The following AP3S1 variants were observed in gnomAD, a reference collection of about 807,000 sequenced individuals.
AP3S1 encodes the protein AP-3 complex subunit sigma-1.
AP3S1 carries 12 observed loss-of-function variants against 21.3 expected under a neutral mutation model. That is an observed-to-expected ratio of 0.56 (90% CI 0.36 to 0.91). AP3S1 has a LOEUF of 0.91. AP3S1 is among the 40% of genes least tolerant of loss of function. The pLI is 0.01. For synonymous variants in AP3S1, 48 were observed against 78.4 expected, an observed-to-expected ratio of 0.61 and a Z score of 2.05; for missense variants, 116 against 225.0, an observed-to-expected ratio of 0.52 and a Z score of 3.10.
chr5:115,844,387 T>C (rs1438960964), intron 1 of AP3S1, among the ~76,000 whole-genome samples: 5 of 152,266 alleles, frequency 3.3e-5, no homozygotes, highest in African/African-American at 9.6e-5. Flanking sequence ...GTAAGAGTCT[T>C]AGAGAGTGAG....
In AP3S1 at chr5:115,904,505, C is replaced by T. The variant is rs567629324; in HGVS notation, c.453+1513C>T. On this transcript the variant is annotated intron_variant, in intron 5 of 5. Coordinates refer to ENST00000316788, the MANE Select transcript of AP3S1 (RefSeq NM_001284.4). ...TTTTCTTTATCTCAATTTCCCATTC[C>T]TGTTGGTTTCCCAAAGGAGAAGTTT... Among the ~76,000 whole-genome samples the T allele has an allele frequency of 6.6e-5, 10 of 152,192 alleles. No individual in the cohort carries two copies. The South Asian group carries it at 2.1e-3, about 32-fold the overall frequency.
intron 3 of AP3S1, among the ~76,000 whole-genome samples, chr5:115,879,052 C>A (rs894654303): frequency 6.6e-6 from 1 of 152,142 alleles, no homozygotes. Context: ...GGTTTTGTAT[C>A]CTGAGACTTT....
At chr5:115,861,673 G>T (rs545484911) in intron 1 of AP3S1, among the ~76,000 whole-genome samples, 2 of 151,926 alleles carry the variant, frequency 1.3e-5, no homozygotes, top group South Asian at 4.2e-4. Context: ...TCCTACCTCA[G>T]CCTCCCAAGT....
chr5:115,897,419 G>A (rs252738), intron 4 of AP3S1, among the ~76,000 whole-genome samples: 46,330 of 151,866 alleles, frequency 0.31, 8,238 homozygotes, highest in Middle Eastern at 0.45. Flanking sequence ...CTTTCTATTC[G>A]CCAAGACAAT....
At position 115,846,856 on chromosome 5, in the gene AP3S1, C is replaced by T. The variant is rs185307990; in HGVS notation, c.69+4750C>T. ...GTTTCCTTCCATATTAGTTATAATG[C>T]GTTTGTCTGCATAAATTGGGTTTTA... On this transcript the variant is annotated intron_variant, in intron 1 of 5. Transcript: ENST00000316788. Among the ~76,000 whole-genome samples, 191 of 152,180 alleles carry T rather than the reference C, an allele frequency of 1.3e-3. 2 individuals are homozygous for T. Among genetic ancestry groups the T allele is most frequent in the Admixed American group, 0.012 (187 of 15,288 alleles).
At position 115,869,901 on chromosome 5, in the gene AP3S1, T is replaced by C. The variant is rs935860506; in HGVS notation, c.162-116T>C. On this transcript the variant is annotated intron_variant, in intron 2 of 5. Transcript: ENST00000316788. Reference sequence around the variant, plus strand: ...ATAAGTTCACTTAAATACTTTGCCATTGAATGTCACCTTTCATTTGACAAG... The same window carrying C: ...ATAAGTTCACTTAAATACTTTGCCACTGAATGTCACCTTTCATTTGACAAG... 6 of 590,200 alleles carry C rather than the reference T, an allele frequency of 1.0e-5. No individual in the cohort carries two copies. The African/African-American group carries it at 1.2e-4, about 11-fold the overall frequency. The allele number at this position is 590,200 out of a possible 1,614,324, so 36.6% of individuals were successfully genotyped here.
At chr5:115,849,328 A>G (rs1301242837) in intron 1 of AP3S1, among the ~76,000 whole-genome samples, 1 of 152,234 alleles carries the variant, frequency 6.6e-6, no homozygotes, top group African/African-American at 2.4e-5. Flanking sequence ...ACGACCTGAC[A>G]TTTGAGAGGA....
intron 2 of AP3S1, among the ~76,000 whole-genome samples, chr5:115,867,905 C>T (rs1200396120): frequency 6.6e-6 from 1 of 152,074 alleles, no homozygotes; most frequent in Non-Finnish European, 1.5e-5. Flanking sequence ...TGTGATTGTT[C>T]TTTTTTAACC....
chr5:115,909,803 A>G (rs780372956), intron 5 of AP3S1, among the ~76,000 whole-genome samples: 1 of 152,156 alleles, frequency 6.6e-6, no homozygotes, highest in Non-Finnish European at 1.5e-5. Context: ...GGTACATTCC[A>G]AAACCCCCAG....
intron 3 of AP3S1, among the ~76,000 whole-genome samples, chr5:115,888,338 T>C (rs1749977215): frequency 6.6e-6 from 1 of 152,002 alleles, no homozygotes; most frequent in Admixed American, 6.6e-5. Flanking sequence ...CTCTAATTTT[T>C]CCCCCTTAAT....
In AP3S1 at chr5:115,842,212, T is replaced by G. The variant is rs1023746196; in HGVS notation, c.69+106T>G. On this transcript the variant is annotated intron_variant, in intron 1 of 5. Transcript: ENST00000316788. ...ACCCCCTCCGGCGCGCTGCGGCCCT[T>G]GTCCCGTCCCGGCCGCCTGGCGCTC... is the stretch of plus-strand genomic sequence containing the variant. The G allele has an allele frequency of 3.5e-6, 5 of 1,416,396 alleles. No individual in the cohort carries two copies. In the East Asian group the frequency reaches 9.0e-5, roughly 26 times the overall value. 87.7% of individuals were successfully genotyped at this position (1,416,396 alleles called of 1,614,324 possible).
Position 115,857,628 on chromosome 5 carries a change from A to G in AP3S1, c.70-9042A>G, listed in dbSNP as rs889733335. 1.1e-4 allele frequency among the ~76,000 whole-genome samples: 17 copies of G among 152,268 alleles called. 1 individual carries two copies. Among genetic ancestry groups the G allele is most frequent in the Middle Eastern group, 3.4e-3 (1 of 294 alleles). On this transcript the variant is annotated intron_variant, in intron 1 of 5. Coordinates refer to ENST00000316788, the MANE Select transcript of AP3S1 (RefSeq NM_001284.4). Reference sequence around the variant, plus strand: ...AATAACATTTCATTTCTCCCTTTCCACAAGTAACTATTTTTAGCTGCTGAT... The same window carrying G: ...AATAACATTTCATTTCTCCCTTTCCGCAAGTAACTATTTTTAGCTGCTGAT...
chr5:115,905,808 T>C lies in AP3S1; in HGVS notation c.453+2816T>C, dbSNP rs533736465. Among the ~76,000 whole-genome samples, 502 of 152,338 alleles carry C rather than the reference T, an allele frequency of 3.3e-3. 3 individuals carry two copies. The highest frequency in any genetic ancestry group is 0.011 in the African/African-American group (472 of 41,576). ...TTACTTGAAACAAAGTATAAACTTT[T>C]CCTAATCTTCTTACTAAATTTCAGT... On this transcript the variant is annotated intron_variant, in intron 5 of 5. Coordinates refer to ENST00000316788, the MANE Select transcript of AP3S1 (RefSeq NM_001284.4).
At chr5:115,872,739 A>ACG (rs531432241) in intron 3 of AP3S1, among the ~76,000 whole-genome samples, 8 of 151,972 alleles carry the variant, frequency 5.3e-5, no homozygotes, top group African/African-American at 1.9e-4. Context: ...ATGACATTGA[A>ACG]GGGTTGATCA....
intron 1 of AP3S1, among the ~76,000 whole-genome samples, chr5:115,862,150 G>A (rs567257823): frequency 6.6e-6 from 1 of 151,886 alleles, no homozygotes; most frequent in African/African-American, 2.4e-5. Context: ...GCGCTTTTAT[G>A]AACATTCTTC....
intron 2 of AP3S1, among the ~76,000 whole-genome samples, chr5:115,868,325 A>G (rs1747879474): frequency 1.3e-5 from 2 of 152,174 alleles, no homozygotes; most frequent in Admixed American, 1.3e-4. Context: ...GAATGGAGTA[A>G]AGCCTCCTAT....
intron 4 of AP3S1, among the ~76,000 whole-genome samples, chr5:115,898,391 A>G (rs533748085): frequency 2.6e-5 from 4 of 152,350 alleles, no homozygotes; most frequent in East Asian, 1.9e-4. Flanking sequence ...AACTGTATCA[A>G]TCACATAGGC....
chr5:115,903,147 G>C, intron 5 of AP3S1, 155 bp downstream of exon 5: 1 of 540,570 alleles, frequency 1.8e-6, no homozygotes, highest in South Asian at 2.0e-5. Context: ...CACGTAGTAT[G>C]CTAAAGGTTC....
chr5:115,861,555 A>G (rs974142148), intron 1 of AP3S1, among the ~76,000 whole-genome samples: 1 of 152,124 alleles, frequency 6.6e-6, no homozygotes, highest in African/African-American at 2.4e-5. Context: ...AAAAGTTATT[A>G]TTAAAAAAAT....
Sources: allele counts gnomAD v4.1 joint callset (sites outside exome capture counted in the v4.1 genomes callset), GRCh38; gene constraint gnomAD v4.1.1; transcripts MANE v1.5; gene names NCBI Gene and HGNC (gene_info 2026-07-23, HGNC 2026-07-21).